The following LAMA3 variants were observed in gnomAD, a reference collection of about 807,000 sequenced individuals.
LAMA3 encodes the protein laminin subunit alpha-3.
In LAMA3, 281 loss-of-function variants were observed where a neutral mutation model predicts 402.0. The ratio of observed to expected loss-of-function variants is 0.70; its 90% CI spans 0.63 to 0.77. The LOEUF is 0.77. Among genes scored for constraint, LAMA3 ranks in the 30% least tolerant of loss-of-function variants. The pLI is 0.00. For missense variants in LAMA3, 3,840 were observed against 4,215.5 expected (o/e 0.91, Z 2.47); for synonymous variants, 1,431 against 1,558.4 (o/e 0.92, Z 1.93).
In LAMA3 at chr18:23,824,164, A is replaced by T. The variant is rs185448091; in HGVS notation, c.2429-259A>T. ...CTAAACTGTTTACAAGTATTAATAT[A>T]CTTATTTAATAAGTTAAACAATTAT... On this transcript the variant is annotated intron_variant, in intron 20 of 74. Coordinates refer to ENST00000313654, the MANE Select transcript of LAMA3 (RefSeq NM_198129.4). Among the ~76,000 whole-genome samples, 260 of 152,358 alleles carry T rather than the reference A, an allele frequency of 1.7e-3. 1 individual carries two copies. Among genetic ancestry groups the T allele is most frequent in the African/African-American group, 6.0e-3 (251 of 41,590 alleles).
At chr18:23,852,030 T>C (rs2063957173) in intron 32 of LAMA3, among the ~76,000 whole-genome samples, 1 of 152,220 alleles carries the variant, frequency 6.6e-6, no homozygotes, top group Non-Finnish European at 1.5e-5. Flanking sequence ...AGTATCATCT[T>C]AGAATCAACC....
chr18:23,865,419 G>A (rs1030744478), intron 36 of LAMA3, among the ~76,000 whole-genome samples: 5 of 152,220 alleles, frequency 3.3e-5, no homozygotes, highest in Non-Finnish European at 7.3e-5. Context: ...TTACAGGCGT[G>A]AGCCACATGT....
chr18:23,852,796 G>GT (rs1471828030), intron 32 of LAMA3, among the ~76,000 whole-genome samples: 2 of 152,028 alleles, frequency 1.3e-5, no homozygotes, highest in African/African-American at 4.8e-5. Flanking sequence ...GTACCTTTTT[G>GT]TTTTTTCTGC....
chr18:23,913,625 G>A (rs138900754), intron 56 of LAMA3, among the ~76,000 whole-genome samples: 104 of 152,294 alleles, frequency 6.8e-4, no homozygotes, highest in African/African-American at 2.2e-3. Context: ...TGCCCAATTA[G>A]GAAATTGTTA....
intron 36 of LAMA3, among the ~76,000 whole-genome samples, chr18:23,867,319 G>C (rs1259219084): frequency 1.3e-5 from 2 of 152,042 alleles, no homozygotes; most frequent in African/African-American, 4.8e-5. Context: ...CACTGCGGGA[G>C]GCCAAGACAG....
intron 34 of LAMA3, among the ~76,000 whole-genome samples, chr18:23,859,887 G>A (rs780733985): frequency 6.6e-6 from 1 of 152,052 alleles, no homozygotes; most frequent in Non-Finnish European, 1.5e-5. Context: ...TCCTACCTTG[G>A]TCTTCCTGGC....
intron 74 of LAMA3, among the ~76,000 whole-genome samples, chr18:23,953,379 T>C (rs2082995468): frequency 6.6e-6 from 1 of 150,516 alleles, no homozygotes; most frequent in Admixed American, 6.6e-5. Flanking sequence ...TCTCACTCTG[T>C]TGCCCAGGCT....
At position 23,903,970 on chromosome 18, in the gene LAMA3, G is replaced by C. The variant is rs2081156422; in HGVS notation, c.6356G>C (p.Arg2119Thr). ...EKLAASLNEA[R>T]QELSDKVREL... ...TTAGCTGCCAGTTTAAATGAAGCAA[G>C]ACAAGAACTAAGTGACAAAGTAAGA... Residue 2119 changes from arginine (R) to threonine (T), a missense_variant, in exon 50 of 75, where the codon AGA (arginine) becomes ACA (threonine). This residue lies in a region of LAMA3 where 891 missense variants were observed against 857.5 expected (regional missense o/e 1.04). Transcript: ENST00000313654. The C allele has an allele frequency of 6.2e-7, 1 of 1,613,804 alleles. No individual in the cohort carries two copies. The highest frequency in any genetic ancestry group is 2.2e-5 in the East Asian group (1 of 44,892).
Position 23,827,309 on chromosome 18 carries a change from T to C in LAMA3, c.2670-5T>C. On this transcript the variant is annotated splice_polypyrimidine_tract_variant and splice_region_variant and intron_variant, in intron 22 of 74. Coordinates refer to ENST00000313654, the MANE Select transcript of LAMA3 (RefSeq NM_198129.4). Reference sequence around the variant, plus strand: ...TTGATTCCATTGTTGTTGCTGTTGTTGAAGTTGCTTACTCTACCAGCATTT... The same window carrying C: ...TTGATTCCATTGTTGTTGCTGTTGTCGAAGTTGCTTACTCTACCAGCATTT... 1 of 1,614,168 alleles carries C rather than the reference T, an allele frequency of 6.2e-7. No homozygotes were observed. The highest frequency in any genetic ancestry group is 1.1e-5 in the South Asian group (1 of 91,084).
intron 1 of LAMA3, among the ~76,000 whole-genome samples, chr18:23,699,917 C>T (rs909173137): frequency 6.6e-6 from 1 of 152,098 alleles, no homozygotes; most frequent in Non-Finnish European, 1.5e-5. Flanking sequence ...TGGGAGTGTC[C>T]TAATATCCTG....
Position 23,895,029 on chromosome 18 carries a change from C to G in LAMA3, c.5584C>G (p.His1862Asp). The G allele has an allele frequency of 6.2e-7, 1 of 1,608,820 alleles. No homozygotes were observed. The highest frequency in any genetic ancestry group is 2.2e-5 in the East Asian group (1 of 44,618). ...ASAGLLEQMRHMETQAKDLRN... is the reference protein window; with the variant it reads ...ASAGLLEQMRDMETQAKDLRN... ...CGCAGGGCTTCTGGAGCAGATGAGG[C>G]ACATGGAGACCCAGGCCAAGGACCT... Residue 1862 changes from histidine (H) to aspartate (D), a missense_variant, in exon 44 of 75, where the codon CAC becomes GAC. Transcript: ENST00000313654.
chr18:23,744,525 G>A (rs994402801), intron 2 of LAMA3, among the ~76,000 whole-genome samples: 2 of 152,030 alleles, frequency 1.3e-5, no homozygotes, highest in Non-Finnish European at 2.9e-5. Context: ...GGATTTTTAA[G>A]TGTCATAATG....
chr18:23,753,889 T>G, intron 6 of LAMA3, 77 bp downstream of exon 6: 6 of 951,326 alleles, frequency 6.3e-6, no homozygotes, highest in Non-Finnish European at 1.0e-5. Context: ...TGCATCCCGT[T>G]AAATGTTTCT....
At chr18:23,751,729 T>G (rs1468450299) in intron 5 of LAMA3, among the ~76,000 whole-genome samples, 1 of 152,206 alleles carries the variant, frequency 6.6e-6, no homozygotes, top group Non-Finnish European at 1.5e-5. Flanking sequence ...TACCCTCTCC[T>G]GTGTTGGAGG....
At chr18:23,864,069 T>C (rs1237653844) in intron 35 of LAMA3, among the ~76,000 whole-genome samples, 1 of 152,204 alleles carries the variant, frequency 6.6e-6, no homozygotes, top group African/African-American at 2.4e-5. Flanking sequence ...TTGTGACTGA[T>C]AGATATTATC....
chr18:23,764,237 TC>T (rs919480379), intron 8 of LAMA3, among the ~76,000 whole-genome samples: 1 of 152,040 alleles, frequency 6.6e-6, no homozygotes, highest in Non-Finnish European at 1.5e-5. Flanking sequence ...TTCATTTGTC[TC>T]CCCCCTCCAT....
At chr18:23,757,469 C>T (rs1258898644) in intron 6 of LAMA3, among the ~76,000 whole-genome samples, 1 of 150,896 alleles carries the variant, frequency 6.6e-6, no homozygotes, top group Non-Finnish European at 1.5e-5. Flanking sequence ...CCAGTCCCCT[C>T]CCCAGCCCCC....
rs918293007 is a variant in LAMA3, at chr18:23,879,234, G to C, written c.5113-2702G>C. 6.6e-6 allele frequency among the ~76,000 whole-genome samples: 1 copy of C among 152,178 alleles called. No homozygotes were observed. Among genetic ancestry groups the C allele is most frequent in the Non-Finnish European group, 1.5e-5 (1 of 68,038 alleles). ...CCCACGACCCTTAGCACAGTACTGG[G>C]GGCTCTTTCTAGCTGCATCCCGCCC... is the stretch of plus-strand genomic sequence containing the variant. On this transcript the variant is annotated intron_variant, in intron 39 of 74. Coordinates refer to ENST00000313654, the MANE Select transcript of LAMA3 (RefSeq NM_198129.4). This position sits in a 1 kb window ranked among gnomAD's most constrained non-coding sequence, Gnocchi z 4.2.
At chr18:23,865,136 T>C (rs1288081401) in intron 36 of LAMA3, among the ~76,000 whole-genome samples, 1 of 152,306 alleles carries the variant, frequency 6.6e-6, no homozygotes, top group Admixed American at 6.5e-5. Flanking sequence ...CACAAGTTAC[T>C]GCCTCATGTT....
Sources: gnomAD v4.1 joint callset for allele counts (sites outside exome capture counted in the v4.1 genomes callset) on GRCh38, gnomAD v4.1.1 for gene constraint, gnomAD v4.1.1 regional missense constraint, Gnocchi (gnomAD v3.1) non-coding constraint, MANE v1.5 for transcripts, NCBI Gene and HGNC (gene_info 2026-07-23, HGNC 2026-07-21) for gene names.